NAP1L4: variants seen among roughly 807,000 people sequenced by gnomAD.
NAP1L4 encodes nucleosome assembly protein 1 like 4, also known as nucleosome assembly protein 1-like 4.
In NAP1L4, 15 loss-of-function variants were observed where a neutral mutation model predicts 58.2. That is an observed-to-expected ratio of 0.26 (90% confidence interval 0.17 to 0.40). The LOEUF is 0.40. NAP1L4 is among the 10% of genes least tolerant of loss of function. The pLI is 1.00. For synonymous variants in NAP1L4, 171 were observed against 155.6 expected, an observed-to-expected ratio of 1.10 and a Z score of -0.74; for missense variants, 384 against 451.1, an observed-to-expected ratio of 0.85 and a Z score of 1.35.
In NAP1L4 at chr11:2,945,540, A is replaced by G; in HGVS notation, c.*139T>C. ...CTGTCCACGGGATTGTGCTGCGGCAAGGACCGAGGCCCCGCCCACAGGCCT... is the reference window on the plus strand; with the variant it reads ...CTGTCCACGGGATTGTGCTGCGGCAGGGACCGAGGCCCCGCCCACAGGCCT... On this transcript the variant is annotated 3_prime_UTR_variant, in exon 16 of 16. Transcript: ENST00000380542. The G allele has an allele frequency of 7.2e-7, 1 of 1,379,640 alleles. No individual in the cohort carries two copies. Among genetic ancestry groups the G allele is most frequent in the East Asian group, 2.5e-5 (1 of 40,042 alleles). The allele number at this position is 1,379,640 out of a possible 1,614,324, so 85.5% of individuals were successfully genotyped here.
chr11:2,958,219 G>GC (rs776560134), intron 10 of NAP1L4, 180 bp downstream of exon 10: 24 of 711,432 alleles, frequency 3.4e-5, no homozygotes, highest in African/African-American at 8.7e-5. Flanking sequence ...AGCTACCTCT[G>GC]CCCCCCGCGA....
rs150645986 is a variant in NAP1L4 at position 2,960,514 on chromosome 11, T to C, written c.607-605A>G. Among the ~76,000 whole-genome samples the C allele has an allele frequency of 3.0e-3, 453 of 152,146 alleles. 3 individuals are homozygous for C. The highest frequency in any genetic ancestry group is 0.01 in the African/African-American group (427 of 41,506). Reference sequence around the variant, plus strand: ...AAGGATGCAAACATGAACGCAGGCATAGAACAACCAACAGCAGCAACAAGG... The same window carrying C: ...AAGGATGCAAACATGAACGCAGGCACAGAACAACCAACAGCAGCAACAAGG... On this transcript the variant is annotated intron_variant, in intron 8 of 15. Transcript: ENST00000380542.
At position 2,963,246 on chromosome 11, in the gene NAP1L4, A is replaced by C. The variant is rs1038580805; in HGVS notation, c.606+1434T>G. On this transcript the variant is annotated intron_variant, in intron 8 of 15. Transcript: ENST00000380542. ...GGTAAGAAAGAAGTACAAAGAAAAA[A>C]CGCACAGAAACTTAAAGCACCGCAC... Among the ~76,000 whole-genome samples, 3 of 152,188 alleles carry C rather than the reference A, an allele frequency of 2.0e-5. No individual in the cohort carries two copies. The East Asian group carries it at 5.9e-4, about 30-fold the overall frequency.
intron 10 of NAP1L4, among the ~76,000 whole-genome samples, chr11:2,956,222 C>G (rs192412097): frequency 6.6e-6 from 1 of 152,168 alleles, no homozygotes; most frequent in Admixed American, 6.5e-5. Flanking sequence ...TGCAAATCAG[C>G]GAGACAGAAA....
chr11:2,954,685 G>A lies in NAP1L4; in HGVS notation c.916-39C>T. 6.2e-7 allele frequency: 1 copy of A among 1,613,488 alleles called. No homozygotes were observed. Among genetic ancestry groups the A allele is most frequent in the Non-Finnish European group, 8.5e-7 (1 of 1,179,696 alleles). ...ACCTACGTGTTAACTCATTTTAATGGGATAAAAACATTCACTTCACCACCC... is the reference window on the plus strand; with the variant it reads ...ACCTACGTGTTAACTCATTTTAATGAGATAAAAACATTCACTTCACCACCC... On this transcript the variant is annotated intron_variant, in intron 11 of 15. Transcript: ENST00000380542. This position sits in a 1 kb window ranked among gnomAD's most constrained non-coding sequence, Gnocchi z 4.8.
intron 7 of NAP1L4, among the ~76,000 whole-genome samples, chr11:2,967,238 C>T (rs1011404672): frequency 2.0e-5 from 3 of 152,154 alleles, no homozygotes; most frequent in Non-Finnish European, 4.4e-5. Context: ...GACCTCTAGG[C>T]TGGGCATCAT....
intron 7 of NAP1L4, among the ~76,000 whole-genome samples, chr11:2,968,910 T>G (rs1847453385): frequency 6.6e-6 from 1 of 152,162 alleles, no homozygotes; most frequent in Non-Finnish European, 1.5e-5. Flanking sequence ...TTTTAATTTG[T>G]TCACCATTTC....
At position 2,948,573 on chromosome 11, in the gene NAP1L4, G is replaced by T. The variant is rs1211101024; in HGVS notation, c.*32+654C>A. ...TACAGGGACTGAAGAAAGTGGAGTGGGAAACAGCTTCCAGGCTTACTGACA... is the reference window on the plus strand; with the variant it reads ...TACAGGGACTGAAGAAAGTGGAGTGTGAAACAGCTTCCAGGCTTACTGACA... On this transcript the variant is annotated intron_variant, in intron 15 of 15. Coordinates refer to ENST00000380542, the MANE Select transcript of NAP1L4 (RefSeq NM_005969.4). The surrounding 1 kb of genome is among the most constrained non-coding windows in gnomAD (Gnocchi z 5.1). Among the ~76,000 whole-genome samples, 3 of 152,102 alleles carry T rather than the reference G, an allele frequency of 2.0e-5. No individual in the cohort carries two copies. Among genetic ancestry groups the T allele is most frequent in the Non-Finnish European group, 4.4e-5 (3 of 68,018 alleles).
chr11:2,990,940 T>C (rs984688688), intron 1 of NAP1L4: 44 of 356,112 alleles, frequency 1.2e-4, no homozygotes, highest in African/African-American at 8.8e-4. Context: ...TCTACATATT[T>C]GTATATTTCT....
At chr11:2,984,207 T>G (rs1848493795) in intron 1 of NAP1L4, among the ~76,000 whole-genome samples, 1 of 143,536 alleles carries the variant, frequency 7.0e-6, no homozygotes, top group Non-Finnish European at 1.5e-5. Flanking sequence ...AACCCTACAA[T>G]GGCTGGCTAT....
At chr11:2,967,998 T>C (rs1394537503) in intron 7 of NAP1L4, among the ~76,000 whole-genome samples, 3 of 152,022 alleles carry the variant, frequency 2.0e-5, no homozygotes, top group African/African-American at 7.3e-5. Context: ...GTCACCTAAC[T>C]CTAGCTCCCA....
At chr11:2,978,388 C>G (rs1848096569) in intron 2 of NAP1L4, 46 bp from the exon 3 acceptor site, 1 of 1,548,626 alleles carries the variant, frequency 6.5e-7, no homozygotes, top group African/African-American at 1.4e-5. Flanking sequence ...AAGAAAGTTC[C>G]AAAGACATAG....
chr11:2,945,121 A>T lies in NAP1L4; in HGVS notation c.*558T>A, dbSNP rs1845874307. The T allele has an allele frequency of 6.5e-6, 1 of 153,930 alleles. No homozygotes were observed. Among genetic ancestry groups the T allele is most frequent in the South Asian group, 2.0e-4 (1 of 4,916 alleles). The allele number at this position is 153,930 out of a possible 1,614,324, so 9.5% of individuals were successfully genotyped here. ...ACTCTACACAGCCCTTTCTGAGATG[A>T]TCGGCATACAGCAGGTGATGCAGGC... On this transcript the variant is annotated 3_prime_UTR_variant, in exon 16 of 16. Transcript: ENST00000380542.
At chr11:2,986,625 A>AT (rs1436636099) in intron 1 of NAP1L4, among the ~76,000 whole-genome samples, 22 of 70,972 alleles carry the variant, frequency 3.1e-4, no homozygotes, top group East Asian at 4.6e-4. Flanking sequence ...GATGGTAGTA[A>AT]ATTTTTTTTT....
intron 1 of NAP1L4, among the ~76,000 whole-genome samples, chr11:2,986,421 TGA>T (rs1482339887): frequency 6.6e-6 from 1 of 151,760 alleles, no homozygotes; most frequent in Non-Finnish European, 1.5e-5. Flanking sequence ...GGGCCACGTT[TGA>T]GAGACAAAGC....
chr11:2,972,269 C>T (rs374440605), intron 4 of NAP1L4, 26 bp from the exon 5 acceptor site: 3 of 1,577,384 alleles, frequency 1.9e-6, no homozygotes, highest in East Asian at 2.3e-5. Flanking sequence ...AGAAATACAA[C>T]ATCCTCATGC....
chr11:2,972,294 A>G (rs1847683734), intron 4 of NAP1L4, 51 bp from the exon 5 acceptor site: 1 of 1,490,052 alleles, frequency 6.7e-7, no homozygotes, highest in Non-Finnish European at 9.0e-7. Context: ...AAAATAAAGC[A>G]GCATGCTTTT....
At chr11:2,975,635 A>T (rs563507016) in intron 4 of NAP1L4, among the ~76,000 whole-genome samples, 1 of 151,562 alleles carries the variant, frequency 6.6e-6, no homozygotes, top group African/African-American at 2.4e-5. Context: ...GGCATGCGGC[A>T]CTATGCCCAG....
intron 12 of NAP1L4, among the ~76,000 whole-genome samples, chr11:2,953,272 A>G (rs956120242): frequency 2.6e-5 from 4 of 152,282 alleles, no homozygotes; most frequent in Non-Finnish European, 4.4e-5. Context: ...ATAAGTAAGC[A>G]AATAGCACAC....
Sources: allele counts gnomAD v4.1 joint callset (sites outside exome capture counted in the v4.1 genomes callset), GRCh38; gene constraint gnomAD v4.1.1; non-coding constraint Gnocchi (gnomAD v3.1); transcripts MANE v1.5; gene names NCBI Gene and HGNC (gene_info 2026-07-23, HGNC 2026-07-21).